Variants in SLC1A1 observed in about 807,000 individuals in gnomAD.
The protein encoded by SLC1A1 is solute carrier family 1 member 1, also known as excitatory amino acid transporter 3.
A neutral mutation model predicts 53.3 loss-of-function variants in SLC1A1; 43 were observed. That is an observed-to-expected ratio of 0.81 (90% CI 0.63 to 1.04). The LOEUF (loss-of-function observed/expected upper bound fraction) is 1.04. SLC1A1 is among the 50% of genes least tolerant of loss of function. The pLI is 0.00. For missense variants in SLC1A1, 748 were observed against 664.9 expected (o/e 1.12, Z -1.37); for synonymous variants, 307 against 243.2 (o/e 1.26, Z -2.44).
intron 2 of SLC1A1, among the ~76,000 whole-genome samples, chr9:4,560,937 A>G (rs1278952662): frequency 1.3e-5 from 2 of 151,580 alleles, no homozygotes; most frequent in Non-Finnish European, 2.9e-5. Context: ...TGGAGGTTGT[A>G]ATGAGCCGAG....
intron 2 of SLC1A1, chr9:4,560,061 T>C (rs1186040007): frequency 2.6e-5 from 4 of 152,228 alleles, no homozygotes. Context: ...CCATTTGAAG[T>C]GAGATCTAAC....
At chr9:4,517,533 T>C (rs1815895451) in intron 1 of SLC1A1, among the ~76,000 whole-genome samples, 1 of 152,232 alleles carries the variant, frequency 6.6e-6, no homozygotes, top group Non-Finnish European at 1.5e-5. Context: ...GCTGATTTCC[T>C]GATTGCTGTG....
chr9:4,529,962 G>C (rs1197532556), intron 1 of SLC1A1, among the ~76,000 whole-genome samples: 1 of 152,170 alleles, frequency 6.6e-6, no homozygotes, highest in South Asian at 2.1e-4. Flanking sequence ...AATTTGAGTT[G>C]GACAATGAAG....
chr9:4,519,145 A>T (rs576579706), intron 1 of SLC1A1, among the ~76,000 whole-genome samples: 29 of 152,372 alleles, frequency 1.9e-4, no homozygotes, highest in African/African-American at 7.0e-4. Context: ...TGTTTGCTCT[A>T]AAGAGAAGTT....
intron 4 of SLC1A1, 52 bp from the exon 5 acceptor site, chr9:4,565,995 C>G: frequency 7.2e-7 from 1 of 1,379,688 alleles, no homozygotes; most frequent in Non-Finnish European, 1.0e-6. Context: ...TTAGGTATGA[C>G]AAAACAATAC....
chr9:4,529,077 C>T (rs1490291484), intron 1 of SLC1A1, among the ~76,000 whole-genome samples: 1 of 152,058 alleles, frequency 6.6e-6, no homozygotes, highest in East Asian at 1.9e-4. Context: ...CTAACTCGTC[C>T]ACCTCCTAAA....
At chr9:4,520,415 C>G (rs1816027579) in intron 1 of SLC1A1, among the ~76,000 whole-genome samples, 1 of 152,028 alleles carries the variant, frequency 6.6e-6, no homozygotes, top group Non-Finnish European at 1.5e-5. Context: ...ATCTATTTTT[C>G]TTTTTTCCCC....
At position 4,549,595 on chromosome 9, in the gene SLC1A1, C is replaced by T. The variant is rs1164986537; in HGVS notation, c.232+4888C>T. ...CTTTCCTGCACCCCAGATCCCAGAACCTGACACCAAGTTCTAAGAAGGAAA... is the reference window on the plus strand; with the variant it reads ...CTTTCCTGCACCCCAGATCCCAGAATCTGACACCAAGTTCTAAGAAGGAAA... On this transcript the variant is annotated intron_variant, in intron 2 of 11. Coordinates refer to ENST00000262352, the MANE Select transcript of SLC1A1 (RefSeq NM_004170.6). This position sits in a 1 kb window ranked among gnomAD's most constrained non-coding sequence, Gnocchi z 4.1. Among the ~76,000 whole-genome samples the T allele has an allele frequency of 6.6e-6, 1 of 152,144 alleles. No individual in the cohort carries two copies. Among genetic ancestry groups the T allele is most frequent in the Non-Finnish European group, 1.5e-5 (1 of 68,024 alleles).
intron 10 of SLC1A1, among the ~76,000 whole-genome samples, chr9:4,576,968 G>C (rs1420885951): frequency 6.6e-6 from 1 of 152,210 alleles, no homozygotes; most frequent in Non-Finnish European, 1.5e-5. Context: ...ATCACTCTGT[G>C]CTCAGTTTAC....
chr9:4,532,687 C>T (rs1481720844), intron 1 of SLC1A1, among the ~76,000 whole-genome samples: 1 of 152,158 alleles, frequency 6.6e-6, no homozygotes, highest in African/African-American at 2.4e-5. Context: ...GTCAGGCCAA[C>T]ATTCAAATTC....
intron 1 of SLC1A1, among the ~76,000 whole-genome samples, chr9:4,538,441 G>T (rs1409791677): frequency 6.6e-6 from 1 of 152,164 alleles, no homozygotes; most frequent in African/African-American, 2.4e-5. Flanking sequence ...AGAATGGGAG[G>T]AAGATTTGCC....
At chr9:4,561,195 C>A (rs1466938615) in intron 2 of SLC1A1, among the ~76,000 whole-genome samples, 1 of 152,154 alleles carries the variant, frequency 6.6e-6, no homozygotes, top group African/African-American at 2.4e-5. Flanking sequence ...CCAGGAAGAT[C>A]TGAAGGCAGG....
At position 4,556,703 on chromosome 9, in the gene SLC1A1, A is replaced by G. The variant is rs1818425478; in HGVS notation, c.233-4746A>G. On this transcript the variant is annotated intron_variant, in intron 2 of 11. Coordinates refer to ENST00000262352, the MANE Select transcript of SLC1A1 (RefSeq NM_004170.6). The surrounding 1 kb of genome is among the most constrained non-coding windows in gnomAD (Gnocchi z 4.1). ...ATTCTCATTCTCACAGTCAACATTC[A>G]TTGCGCTAGACCACAAGTTCTCACC... Among the ~76,000 whole-genome samples the G allele has an allele frequency of 6.6e-6, 1 of 152,194 alleles. No homozygotes were observed. The highest frequency in any genetic ancestry group is 2.1e-4 in the South Asian group (1 of 4,830).
chr9:4,545,626 A>G (rs1817427298), intron 2 of SLC1A1, among the ~76,000 whole-genome samples: 1 of 152,212 alleles, frequency 6.6e-6, no homozygotes, highest in African/African-American at 2.4e-5. Flanking sequence ...TCTGCCCTGC[A>G]TATTTGCTGT....
At chr9:4,581,427 C>G (rs1821088101) in intron 10 of SLC1A1, among the ~76,000 whole-genome samples, 1 of 152,166 alleles carries the variant, frequency 6.6e-6, no homozygotes, top group African/African-American at 2.4e-5. Context: ...CAGACCAATG[C>G]CAGTCAAACA....
Position 4,556,727 on chromosome 9 carries a change from C to T in SLC1A1, c.233-4722C>T, listed in dbSNP as rs1209522681. Among the ~76,000 whole-genome samples, 38 of 152,176 alleles carry T rather than the reference C, an allele frequency of 2.5e-4. No homozygotes were observed. The highest frequency in any genetic ancestry group is 2.5e-3 in the Admixed American group (38 of 15,270). ...CATTGCGCTAGACCACAAGTTCTCA[C>T]CAAGACAATATCGTCCCCAAGGCAG... On this transcript the variant is annotated intron_variant, in intron 2 of 11. Transcript: ENST00000262352. The surrounding 1 kb of genome is among the most constrained non-coding windows in gnomAD (Gnocchi z 4.1).
chr9:4,544,451 C>A, intron 1 of SLC1A1, 116 bp from the exon 2 acceptor site: 2 of 891,814 alleles, frequency 2.2e-6, no homozygotes, highest in Middle Eastern at 2.2e-4. Context: ...GGGAAATGAT[C>A]TAAACTATTT....
chr9:4,548,206 C>G (rs149940414), intron 2 of SLC1A1, among the ~76,000 whole-genome samples: 1 of 152,238 alleles, frequency 6.6e-6, no homozygotes, highest in African/African-American at 2.4e-5. Context: ...CCACCTTTAC[C>G]TGGTACACAG....
At chr9:4,575,808 G>A (rs1369694546) in intron 8 of SLC1A1, among the ~76,000 whole-genome samples, 193 bp from the exon 9 acceptor site, 1 of 152,166 alleles carries the variant, frequency 6.6e-6, no homozygotes, top group African/African-American at 2.4e-5. Flanking sequence ...CTGACAAGAT[G>A]CTTCATGTGC....
Sources: allele counts gnomAD v4.1 joint callset (sites outside exome capture counted in the v4.1 genomes callset), GRCh38; gene constraint gnomAD v4.1.1; non-coding constraint Gnocchi (gnomAD v3.1); transcripts MANE v1.5; gene names NCBI Gene and HGNC (gene_info 2026-07-23, HGNC 2026-07-21).